Variants in IMPG2 observed in about 807,000 individuals in gnomAD.
IMPG2 encodes the protein IPM 200.
Under a neutral mutation model 129.2 loss-of-function variants are expected in IMPG2, and 91 were observed. The ratio of observed to expected loss-of-function variants is 0.70; its 90% CI spans 0.59 to 0.84. IMPG2 has a LOEUF of 0.84. Among genes scored for constraint, IMPG2 ranks in the 40% least tolerant of loss-of-function variants. The pLI is 0.00. For missense variants in IMPG2, 1,430 were observed against 1,461.7 expected (o/e 0.98, Z 0.35); for synonymous variants, 510 against 517.7 (o/e 0.99, Z 0.20).
At chr3:101,261,627 A>G (rs989616221) in intron 9 of IMPG2, among the ~76,000 whole-genome samples, 1 of 152,148 alleles carries the variant, frequency 6.6e-6, no homozygotes, top group Non-Finnish European at 1.5e-5. Context: ...GAGATGTTAT[A>G]ATTTGTTACC....
chr3:101,243,466 G>T (rs745731858), intron 13 of IMPG2, 63 bp downstream of exon 13: 1 of 1,408,474 alleles, frequency 7.1e-7, no homozygotes, highest in Non-Finnish European at 1.0e-6. Context: ...TGTGCTAGAG[G>T]GGAGGAGGAG....
chr3:101,264,128 C>T (rs770848490), intron 9 of IMPG2, among the ~76,000 whole-genome samples: 2 of 151,976 alleles, frequency 1.3e-5, no homozygotes, highest in Non-Finnish European at 2.9e-5. Context: ...GACTGGATTG[C>T]TTCACCACTG....
chr3:101,300,235 C>A (rs984709308), intron 3 of IMPG2, among the ~76,000 whole-genome samples: 1 of 152,238 alleles, frequency 6.6e-6, no homozygotes, highest in Non-Finnish European at 1.5e-5. Flanking sequence ...GGGAGCAAGC[C>A]GTCCAGCCTC....
chr3:101,227,011 T>TA lies in IMPG2; in HGVS notation c.3714-31dup, dbSNP rs368225624. 1.3e-3 allele frequency: 2,023 copies of TA among 1,566,992 alleles called. 11 individuals carry two copies. Among genetic ancestry groups the TA allele is most frequent in the South Asian group, 9.4e-3 (833 of 88,150 alleles). ...CATGAAAACACAAAGAGCAATTCAG[T>TA]AAAAAAAAAGCAAGAATGTAATAAA... On this transcript the variant is annotated intron_variant, in intron 18 of 18. Transcript: ENST00000193391.
At chr3:101,294,720 G>T (rs929005664) in intron 3 of IMPG2, among the ~76,000 whole-genome samples, 1 of 152,192 alleles carries the variant, frequency 6.6e-6, no homozygotes, top group African/African-American at 2.4e-5. Flanking sequence ...CAGTGTAAAA[G>T]CATTCCTATT....
intron 15 of IMPG2, among the ~76,000 whole-genome samples, chr3:101,231,346 C>T (rs1213558938): frequency 6.6e-6 from 1 of 152,186 alleles, no homozygotes; most frequent in Admixed American, 6.5e-5. Context: ...CTAGTAGGTC[C>T]TCAATGACTG....
At chr3:101,244,864 G>GAA in intron 12 of IMPG2, 77 bp from the exon 13 acceptor site, 1 of 1,274,578 alleles carries the variant, frequency 7.8e-7, no homozygotes. Context: ...AAAACTAGTT[G>GAA]CCTGTTTTTT....
chr3:101,311,867 A>G (rs1707265848), intron 2 of IMPG2, among the ~76,000 whole-genome samples: 2 of 152,156 alleles, frequency 1.3e-5, no homozygotes, highest in Non-Finnish European at 2.9e-5. Context: ...ATGGAATACA[A>G]TTGAGAGTCC....
At position 101,244,426 on chromosome 3, in the gene IMPG2, A is replaced by G. The variant is rs1706450361; in HGVS notation, c.1905T>C (p.Asp635=). ...AEPLSKPWLE[D]DDSLLPAEIE... is the part of the protein sequence containing the mutation. ...TCTCAGCTGGCAAAAGTGAATCATC[A>G]TCTTCAAGCCACGGCTTGGACAGTG... Residue 635 remains aspartate (D), a synonymous_variant, in exon 13 of 19, where the codon GAT becomes GAC. Coordinates refer to ENST00000193391, the MANE Select transcript of IMPG2 (RefSeq NM_016247.4). 6.2e-7 allele frequency: 1 copy of G among 1,614,200 alleles called. No individual in the cohort carries two copies. The highest frequency in any genetic ancestry group is 1.1e-5 in the South Asian group (1 of 91,090).
At chr3:101,243,384 C>A (rs950487651) in intron 13 of IMPG2, 145 bp downstream of exon 13, 6 of 753,450 alleles carry the variant, frequency 8.0e-6, no homozygotes, top group Admixed American at 2.2e-5. Flanking sequence ...CAACCCTAGG[C>A]CATGATACTA....
intron 6 of IMPG2, among the ~76,000 whole-genome samples, chr3:101,274,815 C>T (rs902242009): frequency 2.0e-5 from 3 of 152,126 alleles, no homozygotes; most frequent in Non-Finnish European, 2.9e-5. Context: ...AAATATTTAT[C>T]AAATGCCAAT....
intron 3 of IMPG2, 109 bp from the exon 4 acceptor site, chr3:101,291,619 T>C: frequency 1.3e-6 from 1 of 784,464 alleles, no homozygotes; most frequent in South Asian, 1.5e-5. Context: ...AGAATCTATG[T>C]TAGTACTCTC....
rs541883816 is a variant in IMPG2, at chr3:101,261,307, T to C, written c.909-3534A>G. Among the ~76,000 whole-genome samples the C allele has an allele frequency of 2.6e-5, 4 of 152,272 alleles. No individual in the cohort carries two copies. In the South Asian group the frequency reaches 8.3e-4, roughly 32 times the overall value. On this transcript the variant is annotated intron_variant, in intron 9 of 18. Coordinates refer to ENST00000193391, the MANE Select transcript of IMPG2 (RefSeq NM_016247.4). ...GAAAAAGGAGGAGGAGGAAAGGCTA[T>C]GTCAGTTAGCACTTCAGTTGGTTCT...
intron 16 of IMPG2, among the ~76,000 whole-genome samples, chr3:101,230,064 G>C (rs745868903): frequency 6.6e-6 from 1 of 152,218 alleles, no homozygotes; most frequent in Non-Finnish European, 1.5e-5. Context: ...GCATAGGACT[G>C]TTCTACACAC....
At chr3:101,256,883 T>A (rs745671648) in intron 10 of IMPG2, among the ~76,000 whole-genome samples, 6 of 152,132 alleles carry the variant, frequency 3.9e-5, no homozygotes, top group Non-Finnish European at 8.8e-5. Context: ...TGAGTTAAGA[T>A]GCTGCATACT....
chr3:101,261,050 A>G (rs866359397), intron 9 of IMPG2, among the ~76,000 whole-genome samples: 2 of 152,256 alleles, frequency 1.3e-5, no homozygotes, highest in Middle Eastern at 3.4e-3. Context: ...ACCCTAAAGA[A>G]CGTTCGTATT....
In IMPG2 at chr3:101,228,858, T is replaced by C. The variant is rs1224146267; in HGVS notation, c.3652A>G (p.Arg1218Gly). 6.2e-7 allele frequency: 1 copy of C among 1,613,632 alleles called. No homozygotes were observed. The change falls in exon 18 of 19, where the codon AGA (arginine) becomes GGA (glycine). Residue 1218 changes from arginine (R) to glycine (G), a missense_variant. Arg to Gly is a moderately radical substitution (Grantham distance 125, BLOSUM62 -2). Coordinates refer to ENST00000193391, the MANE Select transcript of IMPG2 (RefSeq NM_016247.4). ...LSREEIQERM[R>G]VLELYANDPE... Reference sequence around the variant, plus strand: ...TCATTGGCATACAGTTCCAAAACTCTCATTCTCTCTTGAATTTCCTTAAAC... The same window carrying C: ...TCATTGGCATACAGTTCCAAAACTCCCATTCTCTCTTGAATTTCCTTAAAC...
At chr3:101,287,181 T>C (rs1363201252) in intron 4 of IMPG2, among the ~76,000 whole-genome samples, 1 of 152,108 alleles carries the variant, frequency 6.6e-6, no homozygotes, top group East Asian at 1.9e-4. Context: ...GTAACCATGA[T>C]TAATTAATAT....
intron 12 of IMPG2, 133 bp downstream of exon 12, chr3:101,245,669 C>T: frequency 1.2e-6 from 1 of 841,902 alleles, no homozygotes. Flanking sequence ...TCCTCTCACA[C>T]ACAATTTTAC....
Sources: allele counts gnomAD v4.1 joint callset (sites outside exome capture counted in the v4.1 genomes callset), GRCh38; gene constraint gnomAD v4.1.1; transcripts MANE v1.5; gene names NCBI Gene and HGNC (gene_info 2026-07-23, HGNC 2026-07-21).